Variants in MS4A13 observed in about 807,000 individuals in gnomAD.
The protein encoded by MS4A13 is membrane-spanning 4-domains subfamily A member 13.
A neutral mutation model predicts 18.4 loss-of-function variants in MS4A13; 21 were observed. The ratio of observed to expected loss-of-function variants is 1.14; its 90% CI spans 0.81 to 1.64. The LOEUF is 1.64. MS4A13 is among the 40% of genes most tolerant of loss of function. The pLI is 0.00. For missense variants in MS4A13, 173 were observed against 176.8 expected (o/e 0.98, Z 0.12); for synonymous variants, 62 against 57.2 (o/e 1.08, Z -0.38).
intron 3 of MS4A13, among the ~76,000 whole-genome samples, chr11:60,519,358 C>A (rs995337387): frequency 6.6e-6 from 1 of 150,602 alleles, no homozygotes; most frequent in African/African-American, 2.4e-5. Flanking sequence ...AAGGGAAAGG[C>A]AGAGAAAGGA....
Position 60,525,204 on chromosome 11 carries a change from C to A in MS4A13, c.187-3C>A. The A allele has an allele frequency of 6.4e-7, 1 of 1,557,920 alleles. No individual in the cohort carries two copies. The highest frequency in any genetic ancestry group is 8.8e-7 in the Non-Finnish European group (1 of 1,131,888). ...ATAAATTTGCCCTCTGTCTCCTTTT[C>A]AGATTATAAGTACTTTAATCATAAA... On this transcript the variant is annotated splice_region_variant and splice_polypyrimidine_tract_variant and intron_variant, in intron 4 of 6. Coordinates refer to ENST00000378186, the MANE Select transcript of MS4A13 (RefSeq NM_001012417.3).
At chr11:60,524,043 A>G in intron 4 of MS4A13, 90 bp downstream of exon 4, 1 of 760,398 alleles carries the variant, frequency 1.3e-6, no homozygotes, top group Non-Finnish European at 2.2e-6. Flanking sequence ...CTAAACAATG[A>G]AGGAATCTAC....
intron 5 of MS4A13, among the ~76,000 whole-genome samples, chr11:60,526,730 G>C (rs1013680022): frequency 6.6e-6 from 1 of 152,178 alleles, no homozygotes; most frequent in East Asian, 1.9e-4. Flanking sequence ...AAGGGGCTTG[G>C]CTAAATCTAC....
chr11:60,529,317 T>G (rs1269697989), intron 5 of MS4A13, 48 bp from the exon 6 acceptor site: 1 of 733,636 alleles, frequency 1.4e-6, no homozygotes, highest in Non-Finnish European at 2.2e-6. Flanking sequence ...ATGTTTGCAC[T>G]CACTAAAGAT....
In MS4A13 at chr11:60,521,683, C is replaced by T. The variant is rs577775130; in HGVS notation, c.130-2214C>T. Among the ~76,000 whole-genome samples, 12 of 152,296 alleles carry T rather than the reference C, an allele frequency of 7.9e-5. No individual in the cohort carries two copies. In the South Asian group the frequency reaches 2.1e-3, roughly 26 times the overall value. On this transcript the variant is annotated intron_variant, in intron 3 of 6. Transcript: ENST00000378186. ...CATCTGACAAGTCTCTAGGGAGTTCCAAACTTTCCCACATTTTCCTGTCTT... is the reference window on the plus strand; with the variant it reads ...CATCTGACAAGTCTCTAGGGAGTTCTAAACTTTCCCACATTTTCCTGTCTT...
chr11:60,525,107 GA>G (rs1468697720), intron 4 of MS4A13, 99 bp from the exon 5 acceptor site: 1 of 820,926 alleles, frequency 1.2e-6, no homozygotes, highest in African/African-American at 1.8e-5. Flanking sequence ...TCAGAAACTA[GA>G]TCAAAGTTTT....
At chr11:60,542,920 A>T (rs1013716972), downstream of MS4A13, among the ~76,000 whole-genome samples, 2 of 152,170 alleles carry the variant, frequency 1.3e-5, no homozygotes, top group African/African-American at 4.8e-5. Context: ...ATGATGTCGT[A>T]TAATTCACAG....
chr11:60,523,209 T>C (rs939403970), intron 3 of MS4A13, among the ~76,000 whole-genome samples: 1 of 152,178 alleles, frequency 6.6e-6, no homozygotes, highest in Non-Finnish European at 1.5e-5. Context: ...ATATAGTGTA[T>C]AGCATGACAA....
intron 6 of MS4A13, among the ~76,000 whole-genome samples, chr11:60,529,972 G>C (rs891906472): frequency 6.6e-6 from 1 of 152,148 alleles, no homozygotes; most frequent in African/African-American, 2.4e-5. Context: ...GTGAACATTT[G>C]AGTATAAATA....
At chr11:60,527,751 G>T (rs901181835) in intron 5 of MS4A13, among the ~76,000 whole-genome samples, 2 of 151,946 alleles carry the variant, frequency 1.3e-5, no homozygotes, top group South Asian at 2.1e-4. Flanking sequence ...CACGAGAATC[G>T]CTTGAACCCA....
intron 6 of MS4A13, 53 bp from the exon 7 acceptor site, chr11:60,542,466 T>G: frequency 1.7e-6 from 2 of 1,200,744 alleles, no homozygotes; most frequent in Non-Finnish European, 2.4e-6. Flanking sequence ...ATTTATTAGT[T>G]GTATAATATT....
At chr11:60,529,960 C>T (rs2086752519) in intron 6 of MS4A13, among the ~76,000 whole-genome samples, 1 of 152,138 alleles carries the variant, frequency 6.6e-6, no homozygotes, top group South Asian at 2.1e-4. Context: ...AACAATGATG[C>T]AGTGAACATT....
Position 60,532,042 on chromosome 11 carries a change from A to G in MS4A13, c.402+2582A>G, listed in dbSNP as rs978256610. Among the ~76,000 whole-genome samples, 3 of 152,228 alleles carry G rather than the reference A, an allele frequency of 2.0e-5. No individual in the cohort carries two copies. In the South Asian group the frequency reaches 6.2e-4, roughly 32 times the overall value. ...AGTTTTCAACAACAAAAAGTATGCA[A>G]ATAATAATAGTTACCCATAGGGTTC... On this transcript the variant is annotated intron_variant, in intron 6 of 6. Coordinates refer to ENST00000378186, the MANE Select transcript of MS4A13 (RefSeq NM_001012417.3).
At chr11:60,534,977 A>G (rs11512843) in intron 6 of MS4A13, among the ~76,000 whole-genome samples, 4,874 of 15,688 alleles carry the variant, frequency 0.31, 894 homozygotes, top group Middle Eastern at 0.54. Flanking sequence ...GAAACCAACG[A>G]GAACAAAGAC....
intron 5 of MS4A13, among the ~76,000 whole-genome samples, chr11:60,528,931 T>G (rs1459117990): frequency 6.6e-6 from 1 of 152,218 alleles, no homozygotes; most frequent in African/African-American, 2.4e-5. Context: ...TCACCATGTA[T>G]GTAAATTTAA....
intron 5 of MS4A13, 24 bp from the exon 6 acceptor site, chr11:60,529,341 T>G: frequency 7.1e-7 from 1 of 1,400,326 alleles, no homozygotes; most frequent in Non-Finnish European, 9.9e-7. Flanking sequence ...AGCATTAAGA[T>G]TTCTCCCTGT....
chr11:60,522,234 A>ATATATATATATC (rs1402742805), intron 3 of MS4A13, among the ~76,000 whole-genome samples: 3,960 of 108,582 alleles, frequency 0.036, 70 homozygotes, highest in African/African-American at 0.06. Context: ...ATAGATAGAT[A>ATATATATATATC]GATAGATGTA....
chr11:60,543,057 C>A (rs1243525917), downstream of MS4A13, among the ~76,000 whole-genome samples: 4 of 152,100 alleles, frequency 2.6e-5, no homozygotes, highest in African/African-American at 9.7e-5. Flanking sequence ...CTTCATTGTT[C>A]TTTGACTTCT....
intron 5 of MS4A13, among the ~76,000 whole-genome samples, chr11:60,528,729 T>C (rs1038688481): frequency 1.3e-5 from 2 of 152,318 alleles, no homozygotes; most frequent in African/African-American, 4.8e-5. Context: ...TGAGTACCAA[T>C]ATTATTCACA....
Sources: allele counts gnomAD v4.1 joint callset (sites outside exome capture counted in the v4.1 genomes callset), GRCh38; gene constraint gnomAD v4.1.1; transcripts MANE v1.5; gene names NCBI Gene and HGNC (gene_info 2026-07-23, HGNC 2026-07-21).